Variants in TMCC1 observed in about 807,000 individuals in gnomAD.
TMCC1 encodes the protein transmembrane and coiled-coil domains protein 1.
In TMCC1, 15 loss-of-function variants were observed where a neutral mutation model predicts 52.4. The ratio of observed to expected loss-of-function variants is 0.29; its 90% confidence interval spans 0.19 to 0.44. The LOEUF (loss-of-function observed/expected upper bound fraction) is 0.44, where lower values mean the gene tolerates loss of function less well. TMCC1 is among the 20% of genes least tolerant of loss of function. TMCC1 has a pLI of 1.00. For missense variants in TMCC1, 503 were observed against 806.0 expected (o/e 0.62, Z 4.55); for synonymous variants, 279 against 301.9 (o/e 0.92, Z 0.79).
chr3:129,713,682 C>T lies in TMCC1; in HGVS notation c.577-42418G>A, dbSNP rs2048858991. On this transcript the variant is annotated intron_variant, in intron 4 of 6. Coordinates refer to ENST00000393238, the MANE Select transcript of TMCC1 (RefSeq NM_001017395.5). ...GAACTATGATTGTGCCTTTAAATAG[C>T]CACTGACAACACAGTGAGACCCCCA... Among the ~76,000 whole-genome samples, 6 of 148,464 alleles carry T rather than the reference C, an allele frequency of 4.0e-5. No individual in the cohort carries two copies. In the South Asian group the frequency reaches 1.3e-3, roughly 32 times the overall value.
intron 4 of TMCC1, among the ~76,000 whole-genome samples, chr3:129,781,120 T>C (rs909385191): frequency 1.3e-5 from 2 of 152,138 alleles, no homozygotes; most frequent in Non-Finnish European, 2.9e-5. Context: ...TTTCTTCTAT[T>C]AAAGAACACG....
At chr3:129,745,636 T>C (rs769702087) in intron 4 of TMCC1, among the ~76,000 whole-genome samples, 6 of 152,082 alleles carry the variant, frequency 3.9e-5, no homozygotes, top group Admixed American at 1.3e-4. Context: ...AGCCTTTAAA[T>C]AGACACAGCT....
intron 4 of TMCC1, among the ~76,000 whole-genome samples, chr3:129,757,170 TTTTC>T (rs1416679264): frequency 6.6e-6 from 1 of 152,138 alleles, no homozygotes; most frequent in African/African-American, 2.4e-5. Context: ...TTCACTCCTG[TTTTC>T]TTTAACTTAG....
At chr3:129,791,580 C>T (rs1033587950) in intron 4 of TMCC1, among the ~76,000 whole-genome samples, 19 of 152,186 alleles carry the variant, frequency 1.2e-4, no homozygotes, top group African/African-American at 4.1e-4. Context: ...GAAATATCCA[C>T]ATTGACAGGT....
chr3:129,652,607 T>A lies in TMCC1; in HGVS notation c.1648-812A>T, dbSNP rs557664354. Among the ~76,000 whole-genome samples, 105 of 152,330 alleles carry A rather than the reference T, an allele frequency of 6.9e-4. 2 individuals are homozygous for A. In the South Asian group the frequency reaches 0.02, roughly 29 times the overall value. ...TAAACCATAAAATCTCATCAGTTTT[T>A]AAAAAAATTAACTGGTGTTAATGTG... On this transcript the variant is annotated intron_variant, in intron 6 of 6. Transcript: ENST00000393238.
intron 4 of TMCC1, among the ~76,000 whole-genome samples, chr3:129,727,735 C>A: frequency 6.6e-6 from 1 of 152,276 alleles, no homozygotes; most frequent in South Asian, 2.1e-4. Context: ...ATTTGGAGGT[C>A]CCTAATGAGC....
At chr3:129,688,726 A>T (rs1049658009) in intron 4 of TMCC1, 1 of 985,350 alleles carries the variant, frequency 1.0e-6, no homozygotes, top group Non-Finnish European at 1.2e-6. Context: ...AGAGCAGCTA[A>T]TGCAAATGAA....
At chr3:129,770,732 T>C (rs1295306689) in intron 4 of TMCC1, among the ~76,000 whole-genome samples, 1 of 152,166 alleles carries the variant, frequency 6.6e-6, no homozygotes, top group Non-Finnish European at 1.5e-5. Context: ...ACATCATCCA[T>C]TTAGAGAATC....
intron 4 of TMCC1, among the ~76,000 whole-genome samples, chr3:129,734,186 G>A (rs1053692165): frequency 3.3e-5 from 5 of 152,104 alleles, no homozygotes; most frequent in Non-Finnish European, 7.4e-5. Context: ...ATTAACAGGA[G>A]AATCAACTTA....
intron 3 of TMCC1, among the ~76,000 whole-genome samples, chr3:129,832,196 G>GTT (rs1476051743): frequency 6.6e-6 from 1 of 152,154 alleles, no homozygotes; most frequent in Non-Finnish European, 1.5e-5. Context: ...ACACAAACGA[G>GTT]TTTAACTGCA....
At chr3:129,772,925 C>T (rs1366794953) in intron 4 of TMCC1, among the ~76,000 whole-genome samples, 1 of 152,088 alleles carries the variant, frequency 6.6e-6, no homozygotes, top group Admixed American at 6.6e-5. Flanking sequence ...ATAACACTCT[C>T]AGAAACTGTT....
chr3:129,838,404 G>C (rs1398880737), intron 2 of TMCC1, among the ~76,000 whole-genome samples: 1 of 151,620 alleles, frequency 6.6e-6, no homozygotes, highest in Non-Finnish European at 1.5e-5. Context: ...GCAAGACCCT[G>C]TCTCAAAAAA....
chr3:129,881,501 TA>T (rs149065099), intron 1 of TMCC1, among the ~76,000 whole-genome samples: 28 of 151,790 alleles, frequency 1.8e-4, no homozygotes, highest in South Asian at 6.3e-4. Flanking sequence ...AATAATCATA[TA>T]AAAAAAACAT....
chr3:129,855,846 G>A (rs1429573566), intron 2 of TMCC1, among the ~76,000 whole-genome samples: 1 of 152,170 alleles, frequency 6.6e-6, no homozygotes, highest in South Asian at 2.1e-4. Context: ...AAAGGTAAAT[G>A]AATGGAAAAT....
At chr3:129,680,899 CAAA>C (rs201733649) in intron 4 of TMCC1, among the ~76,000 whole-genome samples, 2 of 100,894 alleles carry the variant, frequency 2.0e-5, no homozygotes. Flanking sequence ...GACTCTGTCT[CAAA>C]AAAAAAAAAA....
In TMCC1 at chr3:129,831,181, G is replaced by A. The variant is rs540178011; in HGVS notation, c.-131+1593C>T. 3.9e-5 allele frequency among the ~76,000 whole-genome samples: 6 copies of A among 152,158 alleles called. No homozygotes were observed. In the South Asian group the frequency reaches 6.2e-4, roughly 16 times the overall value. ...ATTCCTGACCTCAAGTGATCCAACC[G>A]CCTCAGCCTCCCAAAGTGCTGAGAT... On this transcript the variant is annotated intron_variant, in intron 3 of 6. Transcript: ENST00000393238.
At chr3:129,859,881 C>G (rs1433785626) in intron 2 of TMCC1, among the ~76,000 whole-genome samples, 1 of 151,960 alleles carries the variant, frequency 6.6e-6, no homozygotes, top group Admixed American at 6.6e-5. Flanking sequence ...AAAAATTTCC[C>G]ACTAATCACT....
intron 4 of TMCC1, among the ~76,000 whole-genome samples, chr3:129,717,302 G>A (rs1393511292): frequency 6.6e-6 from 1 of 152,146 alleles, no homozygotes; most frequent in Non-Finnish European, 1.5e-5. Flanking sequence ...TGACCTATCT[G>A]CAGCATTTGA....
At chr3:129,870,759 CAAAAA>C (rs61673201) in intron 2 of TMCC1, among the ~76,000 whole-genome samples, 3 of 10,676 alleles carry the variant, frequency 2.8e-4, no homozygotes, top group Non-Finnish European at 5.2e-4. Context: ...GACTCCATCT[CAAAAA>C]AAAAAAAAAA....
Sources: allele counts gnomAD v4.1 joint callset (sites outside exome capture counted in the v4.1 genomes callset), GRCh38; gene constraint gnomAD v4.1.1; transcripts MANE v1.5; gene names NCBI Gene and HGNC (gene_info 2026-07-23, HGNC 2026-07-21).